Variants in UBA6 observed in about 807,000 individuals in gnomAD.
UBA6 encodes ubiquitin like modifier activating enzyme 6.
In UBA6, 87 loss-of-function variants were observed where a neutral mutation model predicts 148.3. The observed-to-expected ratio is 0.59, with a 90% CI of 0.49 to 0.70. UBA6 has a LOEUF of 0.70. Ranked by LOEUF, UBA6 falls within the 30% of genes least tolerant of loss-of-function variation. UBA6 has a pLI of 0.00. For missense variants in UBA6, 1,186 were observed against 1,241.2 expected (o/e 0.96, Z 0.67); for synonymous variants, 376 against 401.0 (o/e 0.94, Z 0.75).
intron 2 of UBA6, among the ~76,000 whole-genome samples, chr4:67,688,618 G>C (rs1730625162): frequency 1.3e-5 from 2 of 152,096 alleles, no homozygotes; most frequent in African/African-American, 4.8e-5. Flanking sequence ...AGAATCTGTT[G>C]ATCAGTAAAC....
intron 25 of UBA6, 151 bp downstream of exon 25, chr4:67,631,557 G>A (rs996129268): frequency 3.4e-6 from 2 of 582,486 alleles, no homozygotes; most frequent in African/African-American, 3.8e-5. Context: ...GGCTTTCTTG[G>A]TCAGAATGAC....
chr4:67,686,952 T>TAAAAAAAAAAAAAAAAAACAAA, intron 2 of UBA6, among the ~76,000 whole-genome samples: 1 of 57,188 alleles, frequency 1.7e-5, no homozygotes, highest in Non-Finnish European at 3.0e-5. Flanking sequence ...ATCCTGTCTC[T>TAAAAAAAAAAAAAAAAAACAAA]AAAAAAAAAA....
At chr4:67,688,856 T>C (rs1267617254) in intron 2 of UBA6, among the ~76,000 whole-genome samples, 3 of 152,250 alleles carry the variant, frequency 2.0e-5, no homozygotes, top group South Asian at 2.1e-4. Context: ...TAACCTAAGA[T>C]GCAGTTATTT....
Position 67,617,975 on chromosome 4 carries a change from T to C in UBA6, c.*1022A>G, listed in dbSNP as rs1728664063. The C allele has an allele frequency of 6.6e-6, 1 of 151,498 alleles. No individual in the cohort carries two copies. The highest frequency in any genetic ancestry group is 2.4e-5 in the African/African-American group (1 of 41,278). The allele number at this position is 151,498 out of a possible 1,614,324, so 9.4% of individuals were successfully genotyped here. A position where few individuals can be genotyped will look rare whatever the true frequency, so the allele number is the denominator to read the frequency against. The stretch of plus-strand genomic sequence containing the variant: ...CTCAATAAAGACCTTAAAAAATAAA[T>C]TTTTATCTTCATTAACTCCCTTTCT... On this transcript the variant is annotated 3_prime_UTR_variant, in exon 33 of 33. Coordinates refer to ENST00000322244, the MANE Select transcript of UBA6 (RefSeq NM_018227.6).
intron 13 of UBA6, among the ~76,000 whole-genome samples, chr4:67,658,958 C>T (rs967420298): frequency 3.3e-5 from 5 of 152,252 alleles, no homozygotes; most frequent in Non-Finnish European, 5.9e-5. Context: ...GAATTAACTG[C>T]GTACATCTGA....
Position 67,624,168 on chromosome 4 carries a change from A to G in UBA6, c.2798T>C (p.Val933Ala). Residue 933 changes from valine (V) to alanine (A), a missense_variant, in exon 30 of 33, where the codon GTA (valine) becomes GCA (alanine). By Grantham distance (64) the Val-to-Ala change is moderately conservative (BLOSUM62 0). Coordinates refer to ENST00000322244, the MANE Select transcript of UBA6 (RefSeq NM_018227.6). Reference sequence around the variant, plus strand: ...TACTTCAGTTGTCTCTGTAAATACTACAATTGGAATGGCTAAGTTAAGAAA... The same window carrying G: ...TACTTCAGTTGTCTCTGTAAATACTGCAATTGGAATGGCTAAGTTAAGAAA... ...NCFLNLAIPI[V>A]VFTETTEVRK... 6.2e-7 allele frequency: 1 copy of G among 1,609,108 alleles called. No homozygotes were observed. Among genetic ancestry groups the G allele is most frequent in the South Asian group, 1.1e-5 (1 of 90,152 alleles).
intron 2 of UBA6, among the ~76,000 whole-genome samples, chr4:67,685,253 T>C (rs557765814): frequency 6.6e-6 from 1 of 152,220 alleles, no homozygotes; most frequent in Non-Finnish European, 1.5e-5. Flanking sequence ...GTTTTATATA[T>C]TACCTATTAA....
At chr4:67,630,579 T>A in intron 25 of UBA6, 44 bp from the exon 26 acceptor site, 1 of 1,274,530 alleles carries the variant, frequency 7.8e-7, no homozygotes, top group Non-Finnish European at 1.1e-6. Flanking sequence ...TGTACAGTTT[T>A]AAAGACGATA....
chr4:67,621,966 T>C (rs142965606), intron 32 of UBA6, among the ~76,000 whole-genome samples: 2 of 152,102 alleles, frequency 1.3e-5, no homozygotes, highest in Non-Finnish European at 2.9e-5. Flanking sequence ...TGAGGCCTCT[T>C]TAGGAAGTGC....
At position 67,642,780 on chromosome 4, in the gene UBA6, TC is replaced by T. The variant is rs1577803228; in HGVS notation, c.1477-1553del. Reference sequence around the variant, plus strand: ...TTTCCAATTTGAAAACACTTGTCTTTCTTTAACTCTGGGAACTTTTGTCATT... The same window carrying T: ...TTTCCAATTTGAAAACACTTGTCTTTTTTAACTCTGGGAACTTTTGTCATT... On this transcript the variant is annotated intron_variant, in intron 17 of 32. Coordinates refer to ENST00000322244, the MANE Select transcript of UBA6 (RefSeq NM_018227.6). Among the ~76,000 whole-genome samples, 4 of 152,186 alleles carry T rather than the reference TC, an allele frequency of 2.6e-5. No homozygotes were observed. The East Asian group carries it at 7.7e-4, about 29-fold the overall frequency.
At chr4:67,643,659 A>G (rs528764651) in intron 17 of UBA6, among the ~76,000 whole-genome samples, 34 of 152,050 alleles carry the variant, frequency 2.2e-4, no homozygotes, top group Admixed American at 2.1e-3. Flanking sequence ...GGTTCCTGGG[A>G]CCTGGGAATT....
chr4:67,666,767 T>TGG (rs1730007893), intron 9 of UBA6, among the ~76,000 whole-genome samples: 1 of 151,868 alleles, frequency 6.6e-6, no homozygotes, highest in South Asian at 2.1e-4. Context: ...CCCAGTTACT[T>TGG]GGGAGGCTGA....
intron 17 of UBA6, among the ~76,000 whole-genome samples, chr4:67,642,907 A>G (rs1729340671): frequency 6.6e-6 from 1 of 151,948 alleles, no homozygotes; most frequent in Non-Finnish European, 1.5e-5. Context: ...TTAAAAAAGG[A>G]TATCTTTCTG....
At chr4:67,667,364 C>G (rs1447640937) in intron 9 of UBA6, among the ~76,000 whole-genome samples, 2 of 151,992 alleles carry the variant, frequency 1.3e-5, no homozygotes, top group Non-Finnish European at 2.9e-5. Flanking sequence ...TCTTTAGTAT[C>G]TATGATCTGA....
intron 13 of UBA6, among the ~76,000 whole-genome samples, chr4:67,655,518 T>C (rs1039857260): frequency 6.6e-6 from 1 of 152,118 alleles, no homozygotes; most frequent in Non-Finnish European, 1.5e-5. Context: ...CATACCAGAA[T>C]CTCTGAGACA....
At position 67,618,260 on chromosome 4, in the gene UBA6, A is replaced by C. The variant is rs1170934708; in HGVS notation, c.*737T>G. The C allele has an allele frequency of 2.0e-5, 3 of 152,614 alleles. No homozygotes were observed. Among genetic ancestry groups the C allele is most frequent in the Non-Finnish European group, 1.5e-5 (1 of 68,006 alleles). The allele number at this position is 152,614 out of a possible 1,614,324, so 9.5% of individuals were successfully genotyped here. The stretch of plus-strand genomic sequence containing the variant: ...ATACTGAAGAATCAAATGGTTAGCC[A>C]CATTTGTCTGTTCACATTCACGGAT... On this transcript the variant is annotated 3_prime_UTR_variant, in exon 33 of 33. Coordinates refer to ENST00000322244, the MANE Select transcript of UBA6 (RefSeq NM_018227.6).
chr4:67,641,312 C>T (rs2109912915), intron 17 of UBA6, 84 bp from the exon 18 acceptor site: 1 of 815,678 alleles, frequency 1.2e-6, no homozygotes, highest in East Asian at 2.6e-5. Context: ...TAAAAAAGTC[C>T]TGACAAATTA....
chr4:67,639,008 G>T lies in UBA6; in HGVS notation c.1671C>A (p.Phe557Leu). 6.2e-7 allele frequency: 1 copy of T among 1,612,646 alleles called. No individual in the cohort carries two copies. Among genetic ancestry groups the T allele is most frequent in the Non-Finnish European group, 8.5e-7 (1 of 1,178,938 alleles). The change falls in exon 19 of 33, where the codon TTC (phenylalanine) becomes TTA (leucine). Residue 557 changes from phenylalanine to leucine, a missense_variant. Physicochemically the swap from Phe to Leu is conservative, Grantham distance 22 (BLOSUM62 0). Coordinates refer to ENST00000322244, the MANE Select transcript of UBA6 (RefSeq NM_018227.6). ...TAATAATTACATCTTGTTTAGTATA[G>T]AACTCATCATTGTAAATGGTCTCAG... The part of the protein sequence containing the change: ...PTTETIYNDE[F>L]YTKQDVIITA...
At position 67,618,984 on chromosome 4, in the gene UBA6, A is replaced by G. The variant is rs753128752; in HGVS notation, c.*13T>C. On this transcript the variant is annotated 3_prime_UTR_variant, in exon 33 of 33. Coordinates refer to ENST00000322244, the MANE Select transcript of UBA6 (RefSeq NM_018227.6). Reference sequence around the variant, plus strand: ...AATCAAGTGGTCCTGGAGTAACGTTAAGACAACTTGTATTAATCAGTGTCA... The same window carrying G: ...AATCAAGTGGTCCTGGAGTAACGTTGAGACAACTTGTATTAATCAGTGTCA... The G allele has an allele frequency of 4.3e-6, 7 of 1,611,532 alleles. No homozygotes were observed. The highest frequency in any genetic ancestry group is 5.9e-6 in the Non-Finnish European group (7 of 1,179,304).
Sources: gnomAD v4.1 joint callset for allele counts (sites outside exome capture counted in the v4.1 genomes callset) on GRCh38, gnomAD v4.1.1 for gene constraint, MANE v1.5 for transcripts, NCBI Gene and HGNC (gene_info 2026-07-23, HGNC 2026-07-21) for gene names.